RIF1: variants seen among roughly 807,000 people sequenced by gnomAD.
RIF1 encodes replication timing regulatory factor 1, also known as telomere-associated protein RIF1.
In RIF1, 45 loss-of-function variants were observed where a neutral mutation model predicts 247.1. That is an observed-to-expected ratio of 0.18 (90% CI 0.14 to 0.23). RIF1 has a LOEUF of 0.23. Among genes scored for constraint, RIF1 ranks in the 10% least tolerant of loss-of-function variants. The pLI is 1.00. For synonymous variants in RIF1, 1,087 were observed against 978.8 expected (o/e 1.11, Z -2.06); for missense variants, 2,967 against 2,862.5 (o/e 1.04, Z -0.83).
At chr2:151,517,723 A>G in the RIF1 span, among the ~76,000 whole-genome samples, 1 of 152,202 alleles carries the variant, frequency 6.6e-6, no homozygotes, top group Non-Finnish European at 1.5e-5. Flanking sequence ...TTGTAACACA[A>G]GAGTATTTGT....
chr2:151,525,410 T>TTCTA, the RIF1 span: 2 of 639,772 alleles, frequency 3.1e-6, no homozygotes, highest in Non-Finnish European at 5.4e-6. Context: ...AAGACCCATA[T>TTCTA]TCTAGTTCTT....
intron 26 of RIF1, 138 bp downstream of exon 26, chr2:151,460,257 T>C (rs1036738785): frequency 3.1e-6 from 2 of 655,152 alleles, no homozygotes; most frequent in African/African-American, 1.9e-5. Flanking sequence ...GCATTTGATG[T>C]AGAAAGACTG....
chr2:151,450,384 T>G (rs1007358723), intron 20 of RIF1, among the ~76,000 whole-genome samples: 4 of 152,160 alleles, frequency 2.6e-5, no homozygotes, highest in Non-Finnish European at 2.9e-5. Context: ...TCTCCCTGAT[T>G]ATGAATTTGC....
Position 151,442,001 on chromosome 2 carries a change from T to C in RIF1, c.1734+10T>C, listed in dbSNP as rs1157647099. 2 of 1,203,670 alleles carry C rather than the reference T, an allele frequency of 1.7e-6. No individual in the cohort carries two copies. Among genetic ancestry groups the C allele is most frequent in the Non-Finnish European group, 2.3e-6 (2 of 853,780 alleles). 74.6% of individuals were successfully genotyped at this position (1,203,670 alleles called of 1,614,324 possible). ...TATGGATATTCTTAATGCAAGTATC[T>C]TAAATGTAATATGATGAAGATTGGC... On this transcript the variant is annotated intron_variant, in intron 16 of 35. Coordinates refer to ENST00000444746, the MANE Select transcript of RIF1 (RefSeq NM_018151.5).
In RIF1 at chr2:151,443,727, T is replaced by C; in HGVS notation, c.1986+18T>C. ...TTAATCAGGTATGAAATAAATCTGC[T>C]ACGTATTTTGGATAATAGACCTTTT... On this transcript the variant is annotated intron_variant, in intron 18 of 35. Coordinates refer to ENST00000444746, the MANE Select transcript of RIF1 (RefSeq NM_018151.5). The C allele has an allele frequency of 2.1e-6, 3 of 1,450,668 alleles. No individual in the cohort carries two copies. Among genetic ancestry groups the C allele is most frequent in the Non-Finnish European group, 2.7e-6 (3 of 1,097,262 alleles). 89.9% of individuals were successfully genotyped at this position (1,450,668 alleles called of 1,614,324 possible).
intron 8 of RIF1, among the ~76,000 whole-genome samples, chr2:151,427,243 A>T (rs1689261737): frequency 1.4e-5 from 2 of 146,640 alleles, no homozygotes. Flanking sequence ...ACAGAGTTTC[A>T]CTCTTGTTGC....
At chr2:151,484,792 G>A (rs1024309408), downstream of RIF1, among the ~76,000 whole-genome samples, 2 of 152,056 alleles carry the variant, frequency 1.3e-5, no homozygotes, top group African/African-American at 4.8e-5. Flanking sequence ...CCTTTTCTTG[G>A]GTCTGCAAAT....
intron 23 of RIF1, 32 bp downstream of exon 23, chr2:151,456,652 T>C: frequency 8.0e-7 from 1 of 1,250,032 alleles, no homozygotes; most frequent in Non-Finnish European, 1.1e-6. Context: ...TAAACCATAC[T>C]TTCATGATGA....
intron 3 of RIF1, among the ~76,000 whole-genome samples, chr2:151,411,910 A>G (rs1686304252): frequency 6.6e-6 from 1 of 152,210 alleles, no homozygotes; most frequent in Non-Finnish European, 1.5e-5. Context: ...AATTAATTTA[A>G]TTTGCCTAAA....
rs185034680 is a variant in RIF1, at chr2:151,441,498, G to T, written c.1648-407G>T. ...AAATTCCGTAACAAGGTAAAATGAA[G>T]GTTAGTTGCAGAGTTTAATATCATT... On this transcript the variant is annotated intron_variant, in intron 15 of 35. Coordinates refer to ENST00000444746, the MANE Select transcript of RIF1 (RefSeq NM_018151.5). 1.1e-4 allele frequency among the ~76,000 whole-genome samples: 17 copies of T among 152,260 alleles called. No homozygotes were observed. In the East Asian group the frequency reaches 2.3e-3, roughly 21 times the overall value.
the RIF1 span, chr2:151,524,654 C>CTTTTTTTTTTTTT: frequency 1.9e-5 from 5 of 257,364 alleles, no homozygotes; most frequent in East Asian, 2.1e-4. Flanking sequence ...AAGAGAGAGG[C>CTTTTTTTTTTTTT]TTTTTTTTTT....
chr2:151,473,164 AC>A (rs1286219748), intron 34 of RIF1, among the ~76,000 whole-genome samples: 4 of 152,046 alleles, frequency 2.6e-5, no homozygotes, highest in African/African-American at 9.7e-5. Flanking sequence ...TTGTATATAT[AC>A]CTAGAAGTGG....
At chr2:151,433,499 G>C (rs1690551655) in intron 10 of RIF1, among the ~76,000 whole-genome samples, 2 of 152,040 alleles carry the variant, frequency 1.3e-5, no homozygotes, top group African/African-American at 4.8e-5. Context: ...CTGTTTCCCA[G>C]GATGGAGTGC....
chr2:151,446,597 CT>C, intron 20 of RIF1, 22 bp downstream of exon 20: 5 of 1,599,886 alleles, frequency 3.1e-6, no homozygotes, highest in Admixed American at 1.8e-5. Flanking sequence ...CTGATGCTAC[CT>C]TTTTTTGTTT....
At position 151,428,922 on chromosome 2, in the gene RIF1, G is replaced by C; in HGVS notation, c.925G>C (p.Asp309His). 6.9e-7 allele frequency: 1 copy of C among 1,453,398 alleles called. No individual in the cohort carries two copies. The highest frequency in any genetic ancestry group is 9.6e-7 in the Non-Finnish European group (1 of 1,042,910). 90.0% of individuals were successfully genotyped at this position (1,453,398 alleles called of 1,614,324 possible). A position where few individuals can be genotyped will look rare whatever the true frequency, so the allele number is the denominator to read the frequency against. Residue 309 changes from aspartate (D) to histidine (H), a missense_variant and splice_region_variant, in exon 9 of 36, where the codon GAT becomes CAT. By Grantham distance (81) the Asp-to-His change is moderately conservative. Transcript: ENST00000444746. Reference protein sequence around the residue: ...SLIDNFALNPDILCSAKRLKL... With the variant: ...SLIDNFALNPHILCSAKRLKL... Reference sequence around the variant, plus strand: ...AATAGATAATTTTGCTTTAAATCCAGGTAAGTAATATTTTAACAATTTTGA... The same window carrying C: ...AATAGATAATTTTGCTTTAAATCCACGTAAGTAATATTTTAACAATTTTGA...
the RIF1 span, among the ~76,000 whole-genome samples, chr2:151,514,128 C>G: frequency 6.6e-6 from 1 of 152,184 alleles, no homozygotes; most frequent in South Asian, 2.1e-4. Context: ...CACACTGTTA[C>G]AATATCCATT....
At chr2:151,486,110 G>A (rs1433888282), downstream of RIF1, among the ~76,000 whole-genome samples, 2 of 152,142 alleles carry the variant, frequency 1.3e-5, no homozygotes, top group African/African-American at 4.8e-5. Context: ...TGCAAGTCAT[G>A]TATCTGATAG....
At chr2:151,526,127 G>T in the RIF1 span, 1 of 1,610,584 alleles carries the variant, frequency 6.2e-7, no homozygotes, top group Non-Finnish European at 8.5e-7. Flanking sequence ...TCCCAAGAGG[G>T]AAGCAGAACT....
At chr2:151,524,277 A>C in the RIF1 span, 1 of 1,557,668 alleles carries the variant, frequency 6.4e-7, no homozygotes, top group Non-Finnish European at 8.8e-7. Flanking sequence ...TAATCTCCTC[A>C]CATGAGAGCC....
Sources: gnomAD v4.1 joint callset for allele counts (sites outside exome capture counted in the v4.1 genomes callset) on GRCh38, gnomAD v4.1.1 for gene constraint, MANE v1.5 for transcripts, NCBI Gene and HGNC (gene_info 2026-07-23, HGNC 2026-07-21) for gene names.